Variants in LIFR observed in about 807,000 individuals in gnomAD.
The protein encoded by LIFR is LIF receptor subunit alpha.
In LIFR, 84 loss-of-function variants were observed where a neutral mutation model predicts 122.2. That is an observed-to-expected ratio of 0.69 (90% CI 0.58 to 0.82). LIFR has a LOEUF of 0.82. Ranked by LOEUF, LIFR falls within the 40% of genes least tolerant of loss-of-function variation. The pLI, the probability that LIFR is intolerant of heterozygous loss-of-function variation, is 0.00. For synonymous variants in LIFR, 422 were observed against 434.7 expected (o/e 0.97, Z 0.36); for missense variants, 1,294 against 1,311.6 (o/e 0.99, Z 0.21).
At chr5:38,581,931 A>T (rs757382103) in intron 1 of LIFR, among the ~76,000 whole-genome samples, 1 of 152,184 alleles carries the variant, frequency 6.6e-6, no homozygotes, top group African/African-American at 2.4e-5. Flanking sequence ...AAGCTGCATT[A>T]TCACTTCCTT....
chr5:38,568,554 GC>G (rs1749104060), intron 1 of LIFR, among the ~76,000 whole-genome samples: 1 of 152,158 alleles, frequency 6.6e-6, no homozygotes, highest in Non-Finnish European at 1.5e-5. Context: ...GAATCCCTCT[GC>G]CACATGTGTG....
chr5:38,517,813 T>A (rs1303567118), intron 5 of LIFR, among the ~76,000 whole-genome samples: 1 of 118,106 alleles, frequency 8.5e-6, no homozygotes, highest in Non-Finnish European at 1.6e-5. Flanking sequence ...GCCGAGATCA[T>A]GCCACTGCAC....
chr5:38,605,294 C>T (rs3099117), intron 2 of LIFR, among the ~76,000 whole-genome samples: 26,429 of 152,052 alleles, frequency 0.17, 2,526 homozygotes, highest in Admixed American at 0.22. Flanking sequence ...TAGAGGCAGG[C>T]ACCACATAGA....
At chr5:38,568,097 G>A (rs1749087786) in intron 1 of LIFR, among the ~76,000 whole-genome samples, 1 of 152,156 alleles carries the variant, frequency 6.6e-6, no homozygotes, top group Non-Finnish European at 1.5e-5. Flanking sequence ...TGCCTGACCA[G>A]GGATATAACA....
At chr5:38,532,627 AAAG>A (rs1462090735) in intron 1 of LIFR, among the ~76,000 whole-genome samples, 1 of 152,206 alleles carries the variant, frequency 6.6e-6, no homozygotes, top group African/African-American at 2.4e-5. Context: ...GCAGGATAAT[AAAG>A]AAGACTTTCT....
chr5:38,549,809 T>C (rs1197453110), intron 1 of LIFR, among the ~76,000 whole-genome samples: 2 of 152,292 alleles, frequency 1.3e-5, no homozygotes, highest in East Asian at 1.9e-4. Context: ...AAAAAAAACT[T>C]ACAAAAATTA....
chr5:38,553,715 C>G (rs535088365), intron 1 of LIFR, among the ~76,000 whole-genome samples: 11 of 136,064 alleles, frequency 8.1e-5, no homozygotes, highest in Non-Finnish European at 1.7e-4. Flanking sequence ...ATAGCTTACA[C>G]TAGTCCTAAA....
At chr5:38,591,391 C>G (rs1264087685) in intron 1 of LIFR, among the ~76,000 whole-genome samples, 1 of 152,226 alleles carries the variant, frequency 6.6e-6, no homozygotes, top group African/African-American at 2.4e-5. Flanking sequence ...AGATTTCCCA[C>G]TGCTCATATA....
chr5:38,483,228 G>A (rs1322251648), intron 18 of LIFR, among the ~76,000 whole-genome samples: 3 of 152,088 alleles, frequency 2.0e-5, no homozygotes, highest in East Asian at 1.9e-4. Context: ...AAAACTAAAC[G>A]CAACCAAAAA....
intron 1 of LIFR, among the ~76,000 whole-genome samples, chr5:38,553,619 A>T (rs1158062752): frequency 1.4e-5 from 1 of 71,546 alleles, no homozygotes; most frequent in Non-Finnish European, 2.8e-5. Flanking sequence ...TGGACCATTT[A>T]AACTATATAT....
At position 38,530,572 on chromosome 5, in the gene LIFR, A is replaced by T; in HGVS notation, c.76T>A (p.Phe26Ile). The T allele has an allele frequency of 2.5e-6, 4 of 1,612,678 alleles. No homozygotes were observed. In the South Asian group the frequency reaches 4.4e-5, roughly 18 times the overall value. The change falls in exon 2 of 20, where the codon TTC becomes ATC. Residue 26 changes from phenylalanine to isoleucine, a missense_variant. Coordinates refer to ENST00000453190, the MANE Select transcript of LIFR (RefSeq NM_001127671.2). ...ATAAATGTTGATAACAGCCACTGGA[A>T]ATTTGAAGCAGTCCTCATTCTTTTA... ...DNKRMRTASN[F>I]QWLLSTFILL...
intron 1 of LIFR, among the ~76,000 whole-genome samples, chr5:38,533,808 C>T (rs981989356): frequency 1.8e-4 from 27 of 152,246 alleles, no homozygotes; most frequent in African/African-American, 6.5e-4. Context: ...ACTGAGGCCT[C>T]CAGCCTTGTG....
At position 38,530,686 on chromosome 5, in the gene LIFR, C is replaced by T; in HGVS notation, c.-19-20G>A. On this transcript the variant is annotated intron_variant, in intron 1 of 19. Transcript: ENST00000453190. ...TCAGTCCTAGGTTAGGAGAGGAATTCCAGATGGTGTTCAGATTGTTCTGAA... is the reference window on the plus strand; with the variant it reads ...TCAGTCCTAGGTTAGGAGAGGAATTTCAGATGGTGTTCAGATTGTTCTGAA... 1.2e-6 allele frequency: 2 copies of T among 1,608,262 alleles called. No homozygotes were observed. Among genetic ancestry groups the T allele is most frequent in the Non-Finnish European group, 1.7e-6 (2 of 1,174,770 alleles).
chr5:38,499,480 A>T lies in LIFR; in HGVS notation c.1671+33T>A, dbSNP rs757141293. 5 of 1,387,244 alleles carry T rather than the reference A, an allele frequency of 3.6e-6. No homozygotes were observed. In the South Asian group the frequency reaches 5.8e-5, roughly 16 times the overall value. 85.9% of individuals were successfully genotyped at this position (1,387,244 alleles called of 1,614,324 possible). The stretch of plus-strand genomic sequence containing the variant: ...GTAAGTTAAGCAGTTTAGCAAAGTA[A>T]TGTAAATGTTCACAGAAAAATTAGA... On this transcript the variant is annotated intron_variant, in intron 12 of 19. Coordinates refer to ENST00000453190, the MANE Select transcript of LIFR (RefSeq NM_001127671.2).
chr5:38,531,284 C>T (rs1746993424), intron 1 of LIFR, among the ~76,000 whole-genome samples: 1 of 152,186 alleles, frequency 6.6e-6, no homozygotes, highest in African/African-American at 2.4e-5. Context: ...CACCAGCCAA[C>T]AAGATCCTTA....
rs752556118 is a variant in LIFR at position 38,482,057 on chromosome 5, A to G, written c.2832T>C (p.His944=). ...TGGGTGGACAATAGGACACAACCAC[A>G]TGGTTTTCAGGCTCTGCATCAGAGC... ...EDRSDAEPEN[H]VVVSYCPPII... is the part of the protein sequence containing the mutation. Residue 944 remains histidine (H), a synonymous_variant, in exon 20 of 20, where the codon CAT becomes CAC. Transcript: ENST00000453190. 2.5e-6 allele frequency: 4 copies of G among 1,611,028 alleles called. No individual in the cohort carries two copies. Among genetic ancestry groups the G allele is most frequent in the East Asian group, 4.5e-5 (2 of 44,854 alleles).
At chr5:38,606,889 C>T (rs990069656) in intron 1 of LIFR, among the ~76,000 whole-genome samples, 3 of 152,190 alleles carry the variant, frequency 2.0e-5, no homozygotes, top group Admixed American at 6.5e-5. Context: ...ACTTACATCA[C>T]ACAATTCATA....
At chr5:38,565,656 C>T (rs539713894) in intron 1 of LIFR, among the ~76,000 whole-genome samples, 4 of 150,630 alleles carry the variant, frequency 2.7e-5, no homozygotes, top group Non-Finnish European at 5.9e-5. Context: ...GGCGCAGTCT[C>T]GGCTCACTGC....
At chr5:38,527,616 T>C (rs1746763475) in intron 3 of LIFR, among the ~76,000 whole-genome samples, 1 of 152,106 alleles carries the variant, frequency 6.6e-6, no homozygotes. Context: ...CTCCACCCCT[T>C]CACTGAGGGA....
Sources: gnomAD v4.1 joint callset for allele counts (sites outside exome capture counted in the v4.1 genomes callset) on GRCh38, gnomAD v4.1.1 for gene constraint, MANE v1.5 for transcripts, NCBI Gene and HGNC (gene_info 2026-07-23, HGNC 2026-07-21) for gene names.